Variants in LRBA observed in about 807,000 individuals in gnomAD.
The protein encoded by LRBA is LPS responsive beige-like anchor protein.
Under a neutral mutation model 330.0 loss-of-function variants are expected in LRBA, and 176 were observed. That is an observed-to-expected ratio of 0.53 (90% confidence interval 0.47 to 0.60). The LOEUF is 0.60. Ranked by LOEUF, LRBA falls within the 20% of genes least tolerant of loss-of-function variation. LRBA has a pLI of 0.00. For missense variants in LRBA, 3,259 were observed against 3,444.8 expected, an observed-to-expected ratio of 0.95 and a Z score of 1.35; for synonymous variants, 1,230 against 1,193.0, an observed-to-expected ratio of 1.03 and a Z score of -0.64.
intron 26 of LRBA, among the ~76,000 whole-genome samples, chr4:150,845,864 CA>C (rs1749775137): frequency 6.6e-6 from 1 of 152,138 alleles, no homozygotes; most frequent in Non-Finnish European, 1.5e-5. Flanking sequence ...CAAACTTTTT[CA>C]CAAGTTGCAT....
At chr4:150,267,417 AATG>A (rs1469707471) in intron 56 of LRBA, among the ~76,000 whole-genome samples, 11 of 143,090 alleles carry the variant, frequency 7.7e-5, no homozygotes, top group Non-Finnish European at 1.3e-4. Flanking sequence ...AAAGTAAATA[AATG>A]ATGAGTCAAA....
intron 42 of LRBA, among the ~76,000 whole-genome samples, chr4:150,482,845 C>T (rs547016727): frequency 1.3e-5 from 2 of 151,940 alleles, no homozygotes; most frequent in African/African-American, 4.8e-5. Flanking sequence ...AGTATCTGTT[C>T]AAAACTTACA....
At position 150,985,990 on chromosome 4, in the gene LRBA, CT is replaced by C. The variant is rs890566561; in HGVS notation, c.216+28436del. 6.0e-5 allele frequency among the ~76,000 whole-genome samples: 9 copies of C among 150,768 alleles called. No homozygotes were observed. In the East Asian group the frequency reaches 1.4e-3, roughly 23 times the overall value. On this transcript the variant is annotated intron_variant, in intron 2 of 56. Coordinates refer to ENST00000651943, the MANE Select transcript of LRBA (RefSeq NM_001364905.1). ...AAAACATTTTAAATGTATAAAAGTG[CT>C]TTTTTTTTGGTAGAGATGGGGGTCT...
At chr4:150,798,493 G>T (rs1216562981) in intron 33 of LRBA, among the ~76,000 whole-genome samples, 2 of 152,036 alleles carry the variant, frequency 1.3e-5, no homozygotes, top group African/African-American at 4.8e-5. Context: ...GCAGAGAAGG[G>T]AAATGGCTCC....
chr4:150,735,719 G>A (rs1343067820), intron 35 of LRBA, among the ~76,000 whole-genome samples: 1 of 152,174 alleles, frequency 6.6e-6, no homozygotes, highest in Non-Finnish European at 1.5e-5. Flanking sequence ...CAATCAGTGT[G>A]ACTTTTTACA....
At chr4:150,480,854 C>T (rs1757218692) in intron 42 of LRBA, among the ~76,000 whole-genome samples, 2 of 151,986 alleles carry the variant, frequency 1.3e-5, no homozygotes, top group South Asian at 2.1e-4. Flanking sequence ...AGTCAAAATC[C>T]TCCTCCTAGC....
Position 150,639,749 on chromosome 4 carries a change from A to ATGTG in LRBA, c.5922-40619_5922-40618insCACA, listed in dbSNP as rs1459373432. ...GCCTATGCCCCAAATATATATATATATATATATATATATATATATATATAT... is the reference window on the plus strand; with the variant it reads ...GCCTATGCCCCAAATATATATATATATGTGTATATATATATATATATATATATAT... On this transcript the variant is annotated intron_variant, in intron 37 of 56. Transcript: ENST00000651943. Among the ~76,000 whole-genome samples the ATGTG allele has an allele frequency of 1.5e-3, 5 of 3,436 alleles. No individual in the cohort carries two copies. The East Asian group carries it at 0.06, about 41-fold the overall frequency. The allele number at this position is 3,436 out of a possible 152,430, so 2.3% of individuals were successfully genotyped here.
chr4:150,850,559 T>G lies in LRBA; in HGVS notation c.4004+165A>C, dbSNP rs141947476. ...GTAATCCAGATAAGGATTCCATTCT[T>G]ATAATGGAGAATAAAAGTGAATTCA... On this transcript the variant is annotated intron_variant, in intron 24 of 56. Coordinates refer to ENST00000651943, the MANE Select transcript of LRBA (RefSeq NM_001364905.1). Among the ~76,000 whole-genome samples, 131 of 152,332 alleles carry G rather than the reference T, an allele frequency of 8.6e-4. 1 individual carries two copies. The East Asian group carries it at 0.022, about 26-fold the overall frequency.
rs1753691433 is a variant in LRBA, at chr4:150,873,638, G to A, written c.2166-883C>T. On this transcript the variant is annotated intron_variant, in intron 17 of 56. Transcript: ENST00000651943. Reference sequence around the variant, plus strand: ...GATCTAGGAAGGCCTTCTGATTTTAGTATAAGTAAAGTATAATGCAACTGA... The same window carrying A: ...GATCTAGGAAGGCCTTCTGATTTTAATATAAGTAAAGTATAATGCAACTGA... Among the ~76,000 whole-genome samples the A allele has an allele frequency of 2.0e-5, 3 of 151,290 alleles. No homozygotes were observed. In the South Asian group the frequency reaches 6.2e-4, roughly 31 times the overall value.
At chr4:150,931,991 T>C (rs1327390172) in intron 2 of LRBA, among the ~76,000 whole-genome samples, 1 of 151,970 alleles carries the variant, frequency 6.6e-6, no homozygotes, top group Non-Finnish European at 1.5e-5. Flanking sequence ...GGGAGAGTCA[T>C]GTGAGTGCAG....
In LRBA at chr4:150,738,113, C is replaced by G. The variant is rs540454653; in HGVS notation, c.5646-2747G>C. On this transcript the variant is annotated intron_variant, in intron 35 of 56. Transcript: ENST00000651943. ...TCAAGCGATTCTCCTGCCTCAACCT[C>G]CTGAGTAGCTGGGATTACAAGTATT... Among the ~76,000 whole-genome samples the G allele has an allele frequency of 4.6e-5, 7 of 151,536 alleles. No individual in the cohort carries two copies. The South Asian group carries it at 1.0e-3, about 23-fold the overall frequency.
At chr4:150,785,309 G>C (rs1468749838) in intron 34 of LRBA, among the ~76,000 whole-genome samples, 5 of 152,160 alleles carry the variant, frequency 3.3e-5, no homozygotes, top group Non-Finnish European at 5.9e-5. Context: ...CATCTTAAAG[G>C]CCAATCATAG....
chr4:150,392,112 C>T (rs189460986), intron 47 of LRBA, among the ~76,000 whole-genome samples: 241 of 152,156 alleles, frequency 1.6e-3, no homozygotes, highest in African/African-American at 5.1e-3. Context: ...CCCAGCTACA[C>T]GGAACTGTTC....
chr4:150,916,880 G>A (rs534382524), intron 5 of LRBA, 142 bp from the exon 6 acceptor site: 244 of 634,720 alleles, frequency 3.8e-4, no homozygotes, highest in Non-Finnish European at 5.2e-4. Flanking sequence ...GAGGCCGGGC[G>A]CGGTGGCTCA....
At chr4:150,282,358 AAT>A in intron 55 of LRBA, 90 bp downstream of exon 55, 1 of 1,163,460 alleles carries the variant, frequency 8.6e-7, no homozygotes, top group Non-Finnish European at 1.3e-6. Context: ...GCAATCCAAA[AAT>A]AGAGGTTTCT....
chr4:150,559,591 TAA>T, intron 40 of LRBA, among the ~76,000 whole-genome samples: 2 of 117,312 alleles, frequency 1.7e-5, no homozygotes, highest in East Asian at 4.3e-4. Flanking sequence ...TAAATATTTA[TAA>T]TATATAATGT....
chr4:150,684,664 G>A (rs1015242151), intron 36 of LRBA, among the ~76,000 whole-genome samples: 12 of 152,020 alleles, frequency 7.9e-5, no homozygotes, highest in African/African-American at 2.4e-4. Flanking sequence ...TGTAGTTAAG[G>A]CATTGTTTAA....
chr4:151,014,001 C>A (rs1311881617), intron 2 of LRBA: 1 of 154,432 alleles, frequency 6.5e-6, no homozygotes, highest in Non-Finnish European at 1.4e-5. Flanking sequence ...AATTTTTAAA[C>A]TTATTGTAGC....
chr4:150,345,654 A>T (rs960097699), intron 48 of LRBA, among the ~76,000 whole-genome samples: 1 of 152,192 alleles, frequency 6.6e-6, no homozygotes, highest in Non-Finnish European at 1.5e-5. Flanking sequence ...ACAGAGTCTG[A>T]GGAACACAAC....
Sources: allele counts gnomAD v4.1 joint callset (sites outside exome capture counted in the v4.1 genomes callset), GRCh38; gene constraint gnomAD v4.1.1; transcripts MANE v1.5; gene names NCBI Gene and HGNC (gene_info 2026-07-23, HGNC 2026-07-21).